MTSS2: variants seen among roughly 807,000 people sequenced by gnomAD.
The protein encoded by MTSS2 is protein MTSS 2.
A neutral mutation model predicts 67.1 loss-of-function variants in MTSS2; 27 were observed. That is an observed-to-expected ratio of 0.40 (90% CI 0.30 to 0.55). The LOEUF is 0.55. MTSS2 is among the 20% of genes least tolerant of loss of function. The probability of loss-of-function intolerance (pLI) is 0.43; values close to 1 mark genes in which losing one functional copy is unlikely to be tolerated. For missense variants in MTSS2, 1,171 were observed against 1,067.8 expected, an observed-to-expected ratio of 1.10 and a Z score of -1.35; for synonymous variants, 624 against 468.6, an observed-to-expected ratio of 1.33 and a Z score of -4.28.
intron 3 of MTSS2, among the ~76,000 whole-genome samples, chr16:70,680,370 T>G (rs1230252938): frequency 1.3e-5 from 2 of 151,676 alleles, no homozygotes; most frequent in African/African-American, 4.8e-5. Flanking sequence ...GGTGCGGGAG[T>G]GTGAGCACGC....
intron 11 of MTSS2, among the ~76,000 whole-genome samples, chr16:70,666,585 T>A (rs1284971931): frequency 1.3e-5 from 2 of 152,158 alleles, no homozygotes; most frequent in Admixed American, 1.3e-4. Context: ...GCTCTCTGAA[T>A]CATTCTGGAT....
chr16:70,663,872 C>G lies in MTSS2; in HGVS notation c.2049G>C (p.Ala683=), dbSNP rs773762855. 3 of 1,544,572 alleles carry G rather than the reference C, an allele frequency of 1.9e-6. No homozygotes were observed. Among genetic ancestry groups the G allele is most frequent in the Non-Finnish European group, 2.6e-6 (3 of 1,147,174 alleles). ...GGCCCTCACCCAGTGCGTGGGCACCCGCCACCAGCTCCCCCAGCTTCTCCA... is the reference window on the plus strand; with the variant it reads ...GGCCCTCACCCAGTGCGTGGGCACCGGCCACCAGCTCCCCCAGCTTCTCCA... ...SLVEKLGELV[A]GAHALGEGQF... Residue 683 remains alanine, a synonymous_variant, in exon 15 of 15, where the codon GCG becomes GCC. Transcript: ENST00000338779.
At chr16:70,682,952 C>T (rs1335067101) in intron 1 of MTSS2, among the ~76,000 whole-genome samples, 6 of 152,172 alleles carry the variant, frequency 3.9e-5, no homozygotes, top group African/African-American at 9.7e-5. Context: ...GGTCACTGCA[C>T]GCCAGGTAGA....
chr16:70,677,432 C>G (rs1047146152), intron 9 of MTSS2, among the ~76,000 whole-genome samples: 1 of 151,506 alleles, frequency 6.6e-6, no homozygotes, highest in Non-Finnish European at 1.5e-5. Context: ...TGGCCAGGTA[C>G]GCCTGGGTCT....
At chr16:70,677,744 T>A in intron 9 of MTSS2, 48 bp downstream of exon 9, 1 of 1,457,926 alleles carries the variant, frequency 6.9e-7, no homozygotes, top group South Asian at 1.2e-5. Context: ...GGGCAGCCCA[T>A]CTCCTCCCTG....
chr16:70,675,609 G>A (rs1055380550), intron 10 of MTSS2, among the ~76,000 whole-genome samples: 1 of 152,146 alleles, frequency 6.6e-6, no homozygotes, highest in Non-Finnish European at 1.5e-5. Context: ...GTAAAGACGG[G>A]GTTTCACCGT....
intron 1 of MTSS2, 95 bp from the exon 2 acceptor site, chr16:70,681,120 G>GCACTTGGA: frequency 8.1e-7 from 1 of 1,236,430 alleles, no homozygotes; most frequent in African/African-American, 1.5e-5. Flanking sequence ...CCAGACTTGG[G>GCACTTGGA]GCAGTTTCTA....
At chr16:70,667,134 G>C (rs1432253938) in intron 11 of MTSS2, among the ~76,000 whole-genome samples, 1 of 151,998 alleles carries the variant, frequency 6.6e-6, no homozygotes, top group African/African-American at 2.4e-5. Context: ...AGCCAGGTGT[G>C]GTGGCACATG....
In MTSS2 at chr16:70,679,767, G is replaced by C. The variant is rs1221530887; in HGVS notation, c.382+19C>G. The stretch of plus-strand genomic sequence containing the variant: ...CTGCGGAGTGGGGGGTGGGAAGCCC[G>C]GCTCCGCGCCACCCTCACCTTTCGC... On this transcript the variant is annotated intron_variant, in intron 5 of 14. Coordinates refer to ENST00000338779, the MANE Select transcript of MTSS2 (RefSeq NM_138383.3). 1.9e-6 allele frequency: 3 copies of C among 1,610,350 alleles called. No individual in the cohort carries two copies. Among genetic ancestry groups the C allele is most frequent in the Admixed American group, 3.3e-5 (2 of 59,756 alleles).
intron 3 of MTSS2, 115 bp from the exon 4 acceptor site, chr16:70,680,170 C>A: frequency 2.0e-6 from 1 of 512,254 alleles, no homozygotes; most frequent in Non-Finnish European, 2.7e-6. Context: ...CGCGCCCTGC[C>A]CCCGCCGAGC....
chr16:70,678,716 C>T (rs1212152590), intron 7 of MTSS2, among the ~76,000 whole-genome samples: 2 of 152,246 alleles, frequency 1.3e-5, no homozygotes, highest in Non-Finnish European at 2.9e-5. Context: ...ACTCGCTGGC[C>T]TCCACCTGGG....
At chr16:70,684,811 T>C (rs1439183485) in intron 1 of MTSS2, among the ~76,000 whole-genome samples, 1 of 152,198 alleles carries the variant, frequency 6.6e-6, no homozygotes, top group South Asian at 2.1e-4. Flanking sequence ...CTAGTCAGCG[T>C]AGGGCAGCCC....
Position 70,679,887 on chromosome 16 carries a change from G to C in MTSS2, c.291-10C>G. On this transcript the variant is annotated splice_polypyrimidine_tract_variant and intron_variant, in intron 4 of 14. Coordinates refer to ENST00000338779, the MANE Select transcript of MTSS2 (RefSeq NM_138383.3). ...GCTCTCCAGCAGTGCGCTGCGGAGG[G>C]CGGGCGGGAGCGCAGGTCAGGGCCG... 6.3e-7 allele frequency: 1 copy of C among 1,588,274 alleles called. No individual in the cohort carries two copies. The highest frequency in any genetic ancestry group is 8.5e-7 in the Non-Finnish European group (1 of 1,174,382).
At chr16:70,671,322 G>C (rs1048531395) in intron 11 of MTSS2, among the ~76,000 whole-genome samples, 66 of 151,008 alleles carry the variant, frequency 4.4e-4, no homozygotes, top group African/African-American at 1.6e-3. Context: ...GGAATGGCTT[G>C]AACCTGGGAG....
intron 1 of MTSS2, among the ~76,000 whole-genome samples, chr16:70,683,689 GA>G (rs773974623): frequency 6.6e-6 from 1 of 152,238 alleles, no homozygotes; most frequent in Non-Finnish European, 1.5e-5. Context: ...AGGCCCAGGG[GA>G]GGGCTTCTGT....
intron 11 of MTSS2, among the ~76,000 whole-genome samples, chr16:70,666,419 C>A (rs1055197728): frequency 6.6e-6 from 1 of 152,174 alleles, no homozygotes; most frequent in African/African-American, 2.4e-5. Flanking sequence ...AAGAAAAAAG[C>A]AGGGTAGACA....
chr16:70,684,128 C>T (rs2053384358), intron 1 of MTSS2, among the ~76,000 whole-genome samples: 2 of 152,326 alleles, frequency 1.3e-5, no homozygotes, highest in Middle Eastern at 3.4e-3. Flanking sequence ...AAATCTGCTG[C>T]TCTCTGCAGT....
intron 9 of MTSS2, 88 bp from the exon 10 acceptor site, chr16:70,677,066 C>G: frequency 9.7e-7 from 1 of 1,034,256 alleles, no homozygotes; most frequent in Non-Finnish European, 1.4e-6. Flanking sequence ...TAATTGTGAA[C>G]CACATCCCAG....
At position 70,664,660 on chromosome 16, in the gene MTSS2, G is replaced by C. The variant is rs1176925661; in HGVS notation, c.1409C>G (p.Ser470Cys). 6.2e-7 allele frequency: 1 copy of C among 1,613,346 alleles called. No individual in the cohort carries two copies. The highest frequency in any genetic ancestry group is 8.5e-7 in the Non-Finnish European group (1 of 1,179,936). ...QKSSRDSLQY[S>C]SGYSTQTTTP... is the part of the protein sequence containing the mutation. ...GGTGGTCTGCGTGCTGTAGCCGCTG[G>C]AGTACTGCAGCGAGTCCCGGCTGCT... Residue 470 changes from serine (S) to cysteine (C), a missense_variant, in exon 14 of 15, where the codon TCC becomes TGC. Coordinates refer to ENST00000338779, the MANE Select transcript of MTSS2 (RefSeq NM_138383.3).
Sources: gnomAD v4.1 joint callset for allele counts (sites outside exome capture counted in the v4.1 genomes callset) on GRCh38, gnomAD v4.1.1 for gene constraint, MANE v1.5 for transcripts, NCBI Gene and HGNC (gene_info 2026-07-23, HGNC 2026-07-21) for gene names.